CSMD1: variants seen among roughly 807,000 people sequenced by gnomAD.
CSMD1 encodes CUB and Sushi multiple domains 1.
A neutral mutation model predicts 417.5 loss-of-function variants in CSMD1; 213 were observed. That is an observed-to-expected ratio of 0.51 (90% confidence interval 0.46 to 0.57). The LOEUF (loss-of-function observed/expected upper bound fraction) is 0.57. CSMD1 is among the 20% of genes least tolerant of loss of function. The pLI is 0.00. For missense variants in CSMD1, 6,923 were observed against 4,529.7 expected (o/e 1.53, Z -15.17); for synonymous variants, 2,862 against 1,736.8 (o/e 1.65, Z -16.11).
At position 3,484,910 on chromosome 8, in the gene CSMD1, T is replaced by C. The variant is rs147317035; in HGVS notation, c.1448+8713A>G. 6.9e-4 allele frequency among the ~76,000 whole-genome samples: 105 copies of C among 152,224 alleles called. 1 individual carries two copies. The East Asian group carries it at 9.9e-3, about 14-fold the overall frequency. ...ACAACTTTTGGAGCAGAAAAAGTGG[T>C]GATAAAACCAATTGTGGGGACGGCG... On this transcript the variant is annotated intron_variant, in intron 11 of 69. Coordinates refer to ENST00000635120, the MANE Select transcript of CSMD1 (RefSeq NM_033225.6).
chr8:4,374,586 A>T (rs1181774407), intron 3 of CSMD1, among the ~76,000 whole-genome samples: 1 of 152,122 alleles, frequency 6.6e-6, no homozygotes, highest in African/African-American at 2.4e-5. Context: ...CCATGGGAAG[A>T]CAAGGGAAGC....
intron 5 of CSMD1, among the ~76,000 whole-genome samples, chr8:3,933,299 A>G (rs191760079): frequency 1.4e-4 from 21 of 152,308 alleles, no homozygotes; most frequent in African/African-American, 4.8e-4. Flanking sequence ...ACTTTAAAAT[A>G]TATTTATTTG....
intron 2 of CSMD1, among the ~76,000 whole-genome samples, chr8:4,453,458 A>T (rs892786218): frequency 2.0e-5 from 3 of 152,260 alleles, no homozygotes; most frequent in African/African-American, 7.2e-5. Flanking sequence ...CAGCAGCAAG[A>T]ACGGTGATGC....
At position 3,986,963 on chromosome 8, in the gene CSMD1, C is replaced by G. The variant is rs537843159; in HGVS notation, c.818+10940G>C. On this transcript the variant is annotated intron_variant, in intron 5 of 69. Transcript: ENST00000635120. ...ATACAGGGCGTTTCACCATGCAGTT[C>G]AGGCTGTTCTTGAACTACTGACATC... is the stretch of plus-strand genomic sequence containing the variant. Among the ~76,000 whole-genome samples the G allele has an allele frequency of 1.1e-4, 16 of 152,242 alleles. 2 individuals are homozygous for G. The highest frequency in any genetic ancestry group is 6.2e-4 in the South Asian group (3 of 4,810).
intron 3 of CSMD1, among the ~76,000 whole-genome samples, chr8:4,348,951 G>A (rs1389755144): frequency 6.6e-6 from 1 of 152,078 alleles, no homozygotes; most frequent in Non-Finnish European, 1.5e-5. Context: ...AGTGCCCTCA[G>A]AATACTCTTG....
intron 41 of CSMD1, chr8:3,128,706 C>G (rs1817638550): frequency 2.8e-6 from 1 of 356,592 alleles, no homozygotes; most frequent in South Asian, 2.2e-5. Context: ...TAAAATAGCT[C>G]AAATTCATGT....
Position 3,642,011 on chromosome 8 carries a change from T to A in CSMD1, c.1010-25214A>T, listed in dbSNP as rs190250105. On this transcript the variant is annotated intron_variant, in intron 7 of 69. Coordinates refer to ENST00000635120, the MANE Select transcript of CSMD1 (RefSeq NM_033225.6). ...GAGATTAGCAGCCCCAGAAGCTAGG[T>A]TTCCCCCTCACCACATCTGCAAACC... Among the ~76,000 whole-genome samples the A allele has an allele frequency of 2.0e-5, 3 of 152,112 alleles. No individual in the cohort carries two copies. The East Asian group carries it at 5.8e-4, about 29-fold the overall frequency.
chr8:3,640,794 C>A (rs561050734), intron 7 of CSMD1, among the ~76,000 whole-genome samples: 102 of 152,128 alleles, frequency 6.7e-4, no homozygotes, highest in African/African-American at 2.3e-3. Context: ...GAAGAGACGG[C>A]CTCACAGAGG....
At position 3,854,688 on chromosome 8, in the gene CSMD1, A is replaced by C. The variant is rs138995894; in HGVS notation, c.819-100646T>G. Reference sequence around the variant, plus strand: ...GAGAGGGGGATGGAGAGTGGGCGAGAAGGGAGTCGGGAAGATGAGACAGCG... The same window carrying C: ...GAGAGGGGGATGGAGAGTGGGCGAGCAGGGAGTCGGGAAGATGAGACAGCG... On this transcript the variant is annotated intron_variant, in intron 5 of 69. Coordinates refer to ENST00000635120, the MANE Select transcript of CSMD1 (RefSeq NM_033225.6). Among the ~76,000 whole-genome samples, 641 of 151,990 alleles carry C rather than the reference A, an allele frequency of 4.2e-3. 5 individuals carry two copies. Among genetic ancestry groups the C allele is most frequent in the African/African-American group, 0.015 (619 of 41,416 alleles).
chr8:3,851,875 G>T (rs76213971), intron 5 of CSMD1, among the ~76,000 whole-genome samples: 1 of 152,140 alleles, frequency 6.6e-6, no homozygotes, highest in Admixed American at 6.5e-5. Flanking sequence ...TGCAAAGCCA[G>T]TGGGCTCCAT....
At chr8:4,758,790 G>C (rs1811836727) in intron 1 of CSMD1, among the ~76,000 whole-genome samples, 1 of 152,118 alleles carries the variant, frequency 6.6e-6, no homozygotes, top group African/African-American at 2.4e-5. Flanking sequence ...CATGAGAACA[G>C]CATGGGAGAA....
intron 1 of CSMD1, among the ~76,000 whole-genome samples, chr8:4,694,631 A>G (rs111707133): frequency 0.017 from 2,551 of 151,940 alleles, 61 homozygotes; most frequent in African/African-American, 0.048. Context: ...CCAAAGTACT[A>G]GGATTACAGC....
intron 1 of CSMD1, among the ~76,000 whole-genome samples, chr8:4,927,613 C>T (rs115146974): frequency 2.6e-5 from 4 of 152,152 alleles, no homozygotes; most frequent in Non-Finnish European, 5.9e-5. Context: ...GCATCCTAAA[C>T]TGACGAAAGA....
intron 2 of CSMD1, among the ~76,000 whole-genome samples, chr8:4,517,423 A>G (rs1310525064): frequency 6.6e-6 from 1 of 152,224 alleles, no homozygotes; most frequent in Non-Finnish European, 1.5e-5. Flanking sequence ...CACGCAGATA[A>G]TAAAGAAGAG....
chr8:4,458,315 G>A (rs770867147), intron 2 of CSMD1, among the ~76,000 whole-genome samples: 38 of 151,786 alleles, frequency 2.5e-4, no homozygotes, highest in Non-Finnish European at 3.4e-4. Context: ...TTTTGTGTGC[G>A]CACAAGGGAT....
chr8:3,175,506 TGCC>T (rs1820871826), intron 37 of CSMD1, among the ~76,000 whole-genome samples: 1 of 110,050 alleles, frequency 9.1e-6, no homozygotes, highest in East Asian at 4.2e-4. Flanking sequence ...CCTGCCTGCC[TGCC>T]TTTTTTCCTT....
chr8:3,326,953 G>C (rs1350689777), intron 23 of CSMD1, among the ~76,000 whole-genome samples: 1 of 151,824 alleles, frequency 6.6e-6, no homozygotes, highest in African/African-American at 2.4e-5. Context: ...GAGGTGGGAG[G>C]ATAGCATGAG....
chr8:4,830,740 G>C (rs948938598), intron 1 of CSMD1, among the ~76,000 whole-genome samples: 1 of 152,162 alleles, frequency 6.6e-6, no homozygotes, highest in Non-Finnish European at 1.5e-5. Context: ...CGCTTAATTG[G>C]AACCATTGGA....
At chr8:3,682,655 T>C (rs202239253) in intron 7 of CSMD1, among the ~76,000 whole-genome samples, 2 of 152,086 alleles carry the variant, frequency 1.3e-5, no homozygotes, top group Non-Finnish European at 2.9e-5. Context: ...GGATCTAGAA[T>C]TAGAAATACC....
Sources: gnomAD v4.1 joint callset for allele counts (sites outside exome capture counted in the v4.1 genomes callset) on GRCh38, gnomAD v4.1.1 for gene constraint, MANE v1.5 for transcripts, NCBI Gene and HGNC (gene_info 2026-07-23, HGNC 2026-07-21) for gene names.